Variants in CAMKMT observed in about 807,000 individuals in gnomAD.
The protein encoded by CAMKMT is calmodulin-lysine N-methyltransferase, also known as CaM KMT.
Under a neutral mutation model 48.0 loss-of-function variants are expected in CAMKMT, and 53 were observed. The ratio of observed to expected loss-of-function variants is 1.10; its 90% CI spans 0.89 to 1.39. The LOEUF is 1.39. Among genes scored for constraint, CAMKMT ranks in the 40% most tolerant of loss-of-function variants. The pLI is 0.00. For synonymous variants in CAMKMT, 165 were observed against 152.3 expected (o/e 1.08, Z -0.61); for missense variants, 428 against 402.7 (o/e 1.06, Z -0.54).
At chr2:44,578,298 G>A (rs571187566) in intron 3 of CAMKMT, among the ~76,000 whole-genome samples, 1 of 152,136 alleles carries the variant, frequency 6.6e-6, no homozygotes, top group Non-Finnish European at 1.5e-5. Context: ...ATATAATAAT[G>A]AGGCTAATAA....
chr2:44,395,148 G>T (rs966051419), intron 3 of CAMKMT: 3 of 349,142 alleles, frequency 8.6e-6, no homozygotes, highest in East Asian at 1.5e-4. Flanking sequence ...TTGTTGTTAT[G>T]TTATAAAGTT....
intron 3 of CAMKMT, among the ~76,000 whole-genome samples, chr2:44,537,485 G>A (rs566347444): frequency 1.4e-4 from 22 of 152,236 alleles, no homozygotes; most frequent in African/African-American, 4.8e-4. Context: ...TGTATCTTAC[G>A]TCAGTTAGAA....
At chr2:44,683,027 CATT>C (rs1482196169) in intron 3 of CAMKMT, among the ~76,000 whole-genome samples, 2 of 152,112 alleles carry the variant, frequency 1.3e-5, no homozygotes, top group Non-Finnish European at 2.9e-5. Flanking sequence ...GGCACACAAT[CATT>C]ATAATTCTGG....
chr2:44,612,671 C>G (rs1281690632), intron 3 of CAMKMT, among the ~76,000 whole-genome samples: 1 of 152,046 alleles, frequency 6.6e-6, no homozygotes, highest in South Asian at 2.1e-4. Context: ...ACCAGCCCAC[C>G]AAAAAATCAA....
chr2:44,444,607 G>A (rs976565481), intron 3 of CAMKMT, among the ~76,000 whole-genome samples: 6 of 152,220 alleles, frequency 3.9e-5, no homozygotes, highest in African/African-American at 1.4e-4. Context: ...TTTTATCGTG[G>A]ATGTTAAGCT....
chr2:44,397,535 G>T (rs182160716), intron 3 of CAMKMT, among the ~76,000 whole-genome samples: 1 of 152,156 alleles, frequency 6.6e-6, no homozygotes, highest in Non-Finnish European at 1.5e-5. Context: ...CTAGCCATGT[G>T]TCTCCAACTT....
intron 3 of CAMKMT, among the ~76,000 whole-genome samples, chr2:44,516,398 C>T (rs770885268): frequency 1.2e-4 from 18 of 152,086 alleles, no homozygotes; most frequent in Non-Finnish European, 2.4e-4. Context: ...TAGTGTGATT[C>T]AGGGGACAGA....
intron 6 of CAMKMT, 34 bp downstream of exon 6, chr2:44,707,496 T>G (rs1352047180): frequency 6.4e-7 from 1 of 1,572,430 alleles, no homozygotes; most frequent in Non-Finnish European, 8.7e-7. Flanking sequence ...GGGTTTGTTG[T>G]GCTCATTCCT....
rs200117026 is a variant in CAMKMT at position 44,673,463 on chromosome 2, AAG to A, written c.377-30811_377-30810del. Reference sequence around the variant, plus strand: ...AAAAAGAGAGAGAGAAAGAGAAAGAAAGAGAGAGAGGAAGGAAGGAAGGAAGG... The same window carrying A: ...AAAAAGAGAGAGAGAAAGAGAAAGAAAGAGAGAGGAAGGAAGGAAGGAAGG... On this transcript the variant is annotated intron_variant, in intron 3 of 10. Coordinates refer to ENST00000378494, the MANE Select transcript of CAMKMT (RefSeq NM_024766.5). Among the ~76,000 whole-genome samples the A allele has an allele frequency of 7.6e-4, 102 of 133,434 alleles. No individual in the cohort carries two copies. In the East Asian group the frequency reaches 7.9e-3, roughly 10 times the overall value. 87.5% of individuals were successfully genotyped at this position (133,434 alleles called of 152,430 possible). A position where few individuals can be genotyped will look rare whatever the true frequency, so the allele number is the denominator to read the frequency against.
At chr2:44,468,042 ATAAAC>A in intron 3 of CAMKMT, among the ~76,000 whole-genome samples, 2 of 152,302 alleles carry the variant, frequency 1.3e-5, no homozygotes, top group East Asian at 3.9e-4. Context: ...GCACAACAGA[ATAAAC>A]AATCAACAGA....
intron 3 of CAMKMT, among the ~76,000 whole-genome samples, chr2:44,584,029 C>A: frequency 6.6e-6 from 1 of 152,114 alleles, no homozygotes; most frequent in East Asian, 1.9e-4. Context: ...AGAAAGCTTC[C>A]TTTGTGCTCT....
intron 7 of CAMKMT, among the ~76,000 whole-genome samples, chr2:44,718,210 A>G (rs920695382): frequency 2.6e-5 from 4 of 152,278 alleles, no homozygotes; most frequent in Admixed American, 1.3e-4. Context: ...ATCCTTGCCT[A>G]AAGTAACTCT....
chr2:44,509,645 T>C (rs1182799069), intron 3 of CAMKMT, among the ~76,000 whole-genome samples: 1 of 152,186 alleles, frequency 6.6e-6, no homozygotes, highest in Non-Finnish European at 1.5e-5. Flanking sequence ...GTTGGAAATA[T>C]GGTCCCTGGT....
chr2:44,604,559 T>C (rs1205126969), intron 3 of CAMKMT, among the ~76,000 whole-genome samples: 1 of 29,666 alleles, frequency 3.4e-5, no homozygotes, highest in African/African-American at 8.1e-5. Context: ...GCCAATCTGG[T>C]TTTTTTTTTT....
intron 3 of CAMKMT, among the ~76,000 whole-genome samples, chr2:44,478,338 T>G (rs1050003116): frequency 6.6e-6 from 1 of 152,342 alleles, no homozygotes; most frequent in East Asian, 1.9e-4. Flanking sequence ...ATTACAGATA[T>G]AGGTTTAGAG....
intron 3 of CAMKMT, among the ~76,000 whole-genome samples, chr2:44,524,876 T>C (rs1271456148): frequency 6.6e-6 from 1 of 152,162 alleles, no homozygotes; most frequent in Non-Finnish European, 1.5e-5. Flanking sequence ...TTTTTCTGCC[T>C]ATCTTCTATG....
chr2:44,368,127 T>C (rs2104343346), intron 1 of CAMKMT, among the ~76,000 whole-genome samples: 1 of 152,340 alleles, frequency 6.6e-6, no homozygotes, highest in African/African-American at 2.4e-5. Flanking sequence ...ACTTATTTGG[T>C]ATATAGCATT....
intron 8 of CAMKMT, among the ~76,000 whole-genome samples, chr2:44,752,397 C>T (rs942840523): frequency 7.2e-5 from 11 of 152,224 alleles, no homozygotes; most frequent in Non-Finnish European, 1.3e-4. Context: ...AGCAGCTTTG[C>T]TTTCTCTTGG....
chr2:44,547,637 T>A (rs1431856103), intron 3 of CAMKMT, among the ~76,000 whole-genome samples: 1 of 152,172 alleles, frequency 6.6e-6, no homozygotes, highest in Non-Finnish European at 1.5e-5. Context: ...ACAAGATTAG[T>A]ACAATGTTTA....
Sources: allele counts gnomAD v4.1 joint callset (sites outside exome capture counted in the v4.1 genomes callset), GRCh38; gene constraint gnomAD v4.1.1; transcripts MANE v1.5; gene names NCBI Gene and HGNC (gene_info 2026-07-23, HGNC 2026-07-21).